The following EHMT1 variants were observed in gnomAD, a reference collection of about 807,000 sequenced individuals.
The protein encoded by EHMT1 is euchromatic histone lysine methyltransferase 1, also known as histone-lysine N-methyltransferase EHMT1.
A neutral mutation model predicts 147.2 loss-of-function variants in EHMT1; 15 were observed. The observed-to-expected ratio is 0.10, with a 90% CI of 0.07 to 0.16. EHMT1 has a LOEUF of 0.16. Among genes scored for constraint, EHMT1 ranks in the 10% least tolerant of loss-of-function variants. The probability of loss-of-function intolerance (pLI) is 1.00; values close to 1 mark genes in which losing one functional copy is unlikely to be tolerated. For synonymous variants in EHMT1, 795 were observed against 709.6 expected (o/e 1.12, Z -1.91); for missense variants, 1,587 against 1,772.4 (o/e 0.90, Z 1.88).
intron 10 of EHMT1, chr9:137,763,185 GTGGTTT>G: frequency 2.6e-6 from 1 of 388,550 alleles, no homozygotes; most frequent in Non-Finnish European, 4.6e-6. Flanking sequence ...GCCCAGAACT[GTGGTTT>G]CCTGCAGGGC....
Position 137,629,825 on chromosome 9 carries a change from C to T in EHMT1, c.21+10776C>T, listed in dbSNP as rs1174418398. Among the ~76,000 whole-genome samples, 7 of 152,122 alleles carry T rather than the reference C, an allele frequency of 4.6e-5. No homozygotes were observed. The East Asian group carries it at 7.7e-4, about 17-fold the overall frequency. ...GATTATAGGCATGAGCCACCGCACCCGGCTGAGAATAGTTATTAGAGCCCA... is the reference window on the plus strand; with the variant it reads ...GATTATAGGCATGAGCCACCGCACCTGGCTGAGAATAGTTATTAGAGCCCA... On this transcript the variant is annotated intron_variant, in intron 1 of 26. Coordinates refer to ENST00000460843, the MANE Select transcript of EHMT1 (RefSeq NM_024757.5).
In EHMT1 at chr9:137,679,257, T is replaced by C. The variant is rs567413336; in HGVS notation, c.22-31710T>C. ...AGCCACTGTGCCCGACCTGAGAAATTGTTTGTTTCTGGAATTTTTCATTTA... is the reference window on the plus strand; with the variant it reads ...AGCCACTGTGCCCGACCTGAGAAATCGTTTGTTTCTGGAATTTTTCATTTA... On this transcript the variant is annotated intron_variant, in intron 1 of 26. Transcript: ENST00000460843. Among the ~76,000 whole-genome samples, 18 of 152,236 alleles carry C rather than the reference T, an allele frequency of 1.2e-4. No individual in the cohort carries two copies. In the East Asian group the frequency reaches 3.3e-3, roughly 28 times the overall value.
intron 24 of EHMT1, 34 bp downstream of exon 24, chr9:137,817,559 G>A: frequency 6.2e-7 from 1 of 1,613,602 alleles, no homozygotes; most frequent in Non-Finnish European, 8.5e-7. Context: ...CAAGCCTGGT[G>A]TCATTTCTGG....
Position 137,717,023 on chromosome 9 carries a change from A to G in EHMT1, c.483A>G (p.Lys161=). The G allele has an allele frequency of 6.2e-7, 1 of 1,606,766 alleles. No homozygotes were observed. The highest frequency in any genetic ancestry group is 1.1e-5 in the South Asian group (1 of 90,938). The change falls in exon 3 of 27, where the codon AAA becomes AAG. Residue 161 remains lysine, a synonymous_variant. Coordinates refer to ENST00000460843, the MANE Select transcript of EHMT1 (RefSeq NM_024757.5). ...AAKTLPGGAG[K]GRTPSAFPQT... ...AAACCCTTCCTGGAGGGGCTGGCAAAGGCAGGACTCCAAGCGCTTTTCCCC... is the reference window on the plus strand; with the variant it reads ...AAACCCTTCCTGGAGGGGCTGGCAAGGGCAGGACTCCAAGCGCTTTTCCCC...
At chr9:137,673,384 C>G (rs1052901632) in intron 1 of EHMT1, among the ~76,000 whole-genome samples, 8 of 152,214 alleles carry the variant, frequency 5.3e-5, no homozygotes, top group Non-Finnish European at 1.2e-4. Flanking sequence ...AAATAGGCTT[C>G]TCATTTTTTC....
intron 1 of EHMT1, among the ~76,000 whole-genome samples, chr9:137,620,956 G>T (rs1177975715): frequency 6.6e-6 from 1 of 152,122 alleles, no homozygotes; most frequent in Non-Finnish European, 1.5e-5. Flanking sequence ...AATAATTTGA[G>T]CCTAGCAGCA....
At chr9:137,714,767 G>C (rs929238700) in intron 2 of EHMT1, among the ~76,000 whole-genome samples, 1 of 151,834 alleles carries the variant, frequency 6.6e-6, no homozygotes, top group Non-Finnish European at 1.5e-5. Context: ...CAGGTGGGTC[G>C]TGAACTCCTG....
intron 1 of EHMT1, among the ~76,000 whole-genome samples, chr9:137,697,796 A>G (rs1314678929): frequency 1.3e-5 from 2 of 152,242 alleles, no homozygotes; most frequent in Non-Finnish European, 2.9e-5. Context: ...GAACCCTGAG[A>G]TAAGATGATT....
rs541914684 is a variant in EHMT1 at position 137,687,125 on chromosome 9, G to A, written c.22-23842G>A. ...TCATGGTCTGTTCTTGTCAAATATC[G>A]ATATACTGTAAAGGTATGGGCTTAT... On this transcript the variant is annotated intron_variant, in intron 1 of 26. Transcript: ENST00000460843. 3.9e-5 allele frequency among the ~76,000 whole-genome samples: 6 copies of A among 152,086 alleles called. No homozygotes were observed. In the East Asian group the frequency reaches 5.8e-4, roughly 15 times the overall value.
rs149875734 is a variant in EHMT1, at chr9:137,829,578, G to A, written c.3541-4771G>A. ...TCATCTACAGACTCCTAGTTTCCCC[G>A]ATGTCTTTTCCTGGTTCGCCCCTCT... On this transcript the variant is annotated intron_variant, in intron 25 of 26. Transcript: ENST00000460843. 4.1e-3 allele frequency among the ~76,000 whole-genome samples: 623 copies of A among 152,312 alleles called. 1 individual carries two copies. The highest frequency in any genetic ancestry group is 6.8e-3 in the Middle Eastern group (2 of 294).
intron 1 of EHMT1, among the ~76,000 whole-genome samples, chr9:137,629,053 C>T (rs1458480447): frequency 6.6e-6 from 1 of 150,466 alleles, no homozygotes; most frequent in African/African-American, 2.4e-5. Flanking sequence ...TTAAGTTGCT[C>T]ACTCAGCAAA....
rs768705251 is a variant in EHMT1, at chr9:137,718,805, GA to G, written c.642+1624del. Among the ~76,000 whole-genome samples the G allele has an allele frequency of 8.9e-5, 13 of 146,330 alleles. No homozygotes were observed. The East Asian group carries it at 1.6e-3, about 18-fold the overall frequency. ...GAGTCTTGCTCTGTCACCCAGGTTA[GA>G]GTGAAATGGCGCGATCTCAGCTCAC... On this transcript the variant is annotated intron_variant, in intron 3 of 26. Coordinates refer to ENST00000460843, the MANE Select transcript of EHMT1 (RefSeq NM_024757.5).
At chr9:137,762,261 A>ATTT (rs11405067) in intron 9 of EHMT1, among the ~76,000 whole-genome samples, 3 of 147,356 alleles carry the variant, frequency 2.0e-5, no homozygotes, top group Non-Finnish European at 4.5e-5. Context: ...TTCCAAACTG[A>ATTT]TTTTTTTTTT....
At chr9:137,726,585 T>G (rs1588401726) in intron 3 of EHMT1, among the ~76,000 whole-genome samples, 1 of 152,042 alleles carries the variant, frequency 6.6e-6, no homozygotes, top group African/African-American at 2.4e-5. Flanking sequence ...TCAACGTGGG[T>G]GTACAAGCAT....
chr9:137,781,891 C>T (rs1951584755), intron 14 of EHMT1, among the ~76,000 whole-genome samples: 1 of 152,220 alleles, frequency 6.6e-6, no homozygotes, highest in Non-Finnish European at 1.5e-5. Flanking sequence ...CTCAGACCTC[C>T]TGGGAATTGA....
chr9:137,699,019 G>A (rs994390273), intron 1 of EHMT1, among the ~76,000 whole-genome samples: 1 of 152,146 alleles, frequency 6.6e-6, no homozygotes, highest in Non-Finnish European at 1.5e-5. Context: ...AGGGTGCAGG[G>A]TGTGCCCTAT....
At chr9:137,736,819 A>C (rs900792852) in intron 4 of EHMT1, among the ~76,000 whole-genome samples, 6 of 152,166 alleles carry the variant, frequency 3.9e-5, no homozygotes, top group African/African-American at 1.4e-4. Context: ...TGAACCTGGG[A>C]GGTGGAGGTT....
At chr9:137,800,779 A>G in intron 17 of EHMT1, 101 bp from the exon 18 acceptor site, 1 of 976,248 alleles carries the variant, frequency 1.0e-6, no homozygotes, top group Non-Finnish European at 1.6e-6. Flanking sequence ...CACGAGGGGC[A>G]TGGTACCTGG....
chr9:137,815,843 T>C lies in EHMT1; in HGVS notation c.3259-104T>C, dbSNP rs1001816108. The C allele has an allele frequency of 4.1e-6, 4 of 971,152 alleles. No individual in the cohort carries two copies. In the African/African-American group the frequency reaches 6.5e-5, roughly 16 times the overall value. The allele number at this position is 971,152 out of a possible 1,614,324, so 60.2% of individuals were successfully genotyped here. A position where few individuals can be genotyped will look rare whatever the true frequency, so the allele number is the denominator to read the frequency against. On this transcript the variant is annotated intron_variant, in intron 22 of 26. Transcript: ENST00000460843. The stretch of plus-strand genomic sequence containing the variant: ...GTTTGGCCAGAAACCATCGTTTTTA[T>C]GTCCGTTTAAGCCACACTGGGCACT...
Sources: allele counts gnomAD v4.1 joint callset (sites outside exome capture counted in the v4.1 genomes callset), GRCh38; gene constraint gnomAD v4.1.1; transcripts MANE v1.5; gene names NCBI Gene and HGNC (gene_info 2026-07-23, HGNC 2026-07-21).